CTIF: variants seen among roughly 807,000 people sequenced by gnomAD.
CTIF encodes CBP80/20-dependent translation initiation factor.
CTIF carries 21 observed loss-of-function variants against 66.0 expected under a neutral mutation model. The ratio of observed to expected loss-of-function variants is 0.32; its 90% CI spans 0.23 to 0.46. The LOEUF (loss-of-function observed/expected upper bound fraction) is 0.46. Ranked by LOEUF, CTIF falls within the 20% of genes least tolerant of loss-of-function variation. The pLI, the probability that CTIF is intolerant of heterozygous loss-of-function variation, is 1.00. For synonymous variants in CTIF, 345 were observed against 326.4 expected (o/e 1.06, Z -0.62); for missense variants, 739 against 812.7 (o/e 0.91, Z 1.10).
chr18:48,576,357 C>T (rs927604627), intron 1 of CTIF, among the ~76,000 whole-genome samples: 2 of 152,222 alleles, frequency 1.3e-5, no homozygotes, highest in Admixed American at 1.3e-4. Context: ...GAAGAATTTG[C>T]GGTAGCTGGG....
At chr18:48,831,602 G>A (rs1039198287) in intron 10 of CTIF, among the ~76,000 whole-genome samples, 7 of 152,178 alleles carry the variant, frequency 4.6e-5, no homozygotes, top group South Asian at 2.1e-4. Context: ...TGAAGATGAC[G>A]GAAACCTTGA....
chr18:48,584,195 A>G (rs1348204053), intron 1 of CTIF, among the ~76,000 whole-genome samples: 1 of 152,166 alleles, frequency 6.6e-6, no homozygotes, highest in Non-Finnish European at 1.5e-5. Flanking sequence ...TGAGCAGTAC[A>G]CAAGCTGCGC....
intron 7 of CTIF, among the ~76,000 whole-genome samples, chr18:48,722,969 A>T (rs1316066203): frequency 6.6e-6 from 1 of 152,226 alleles, no homozygotes; most frequent in African/African-American, 2.4e-5. Context: ...CTTCCAGAGC[A>T]CTCACTGTAT....
chr18:48,735,504 C>T (rs912441937), intron 7 of CTIF, among the ~76,000 whole-genome samples: 9 of 151,988 alleles, frequency 5.9e-5, no homozygotes, highest in Non-Finnish European at 1.3e-4. Flanking sequence ...GCAGGAAGCA[C>T]GTGGCAGGTG....
intron 5 of CTIF, 111 bp from the exon 6 acceptor site, chr18:48,670,558 G>C (rs1427213270): frequency 2.1e-6 from 2 of 936,412 alleles, no homozygotes; most frequent in African/African-American, 3.2e-5. Flanking sequence ...AGGGCTTGAG[G>C]GTGGGCAGCA....
At chr18:48,639,282 A>G (rs1197695134) in intron 3 of CTIF, among the ~76,000 whole-genome samples, 1 of 152,112 alleles carries the variant, frequency 6.6e-6, no homozygotes, top group Non-Finnish European at 1.5e-5. Flanking sequence ...GATTTCTTAG[A>G]GGTTTGTCAA....
chr18:48,752,267 A>C (rs1464672923), intron 7 of CTIF, among the ~76,000 whole-genome samples: 2 of 152,122 alleles, frequency 1.3e-5, no homozygotes, highest in Non-Finnish European at 2.9e-5. Context: ...AGTGTTTCTG[A>C]TGCATGCTGG....
At chr18:48,700,511 T>C (rs2092069283) in intron 6 of CTIF, among the ~76,000 whole-genome samples, 1 of 152,224 alleles carries the variant, frequency 6.6e-6, no homozygotes, top group African/African-American at 2.4e-5. Context: ...CCTCAGAATC[T>C]TAGCATGGCT....
At chr18:48,545,425 C>T (rs1568022660) in intron 1 of CTIF, among the ~76,000 whole-genome samples, 1 of 151,946 alleles carries the variant, frequency 6.6e-6, no homozygotes, top group African/African-American at 2.4e-5. Flanking sequence ...GGGGGTGAGA[C>T]CTGGAACAAG....
chr18:48,681,596 C>A (rs1410238180), intron 6 of CTIF, among the ~76,000 whole-genome samples: 1 of 152,146 alleles, frequency 6.6e-6, no homozygotes, highest in Non-Finnish European at 1.5e-5. Context: ...CTATGGAAAA[C>A]CCTGGACTTT....
At chr18:48,836,961 C>G (rs1451789467) in intron 10 of CTIF, among the ~76,000 whole-genome samples, 1 of 152,218 alleles carries the variant, frequency 6.6e-6, no homozygotes, top group African/African-American at 2.4e-5. Context: ...CACATTTGGG[C>G]TGTTTGTCCC....
chr18:48,760,583 G>T, intron 8 of CTIF: 1 of 152,234 alleles, frequency 6.6e-6, no homozygotes. Context: ...CCCTGACCCT[G>T]CCCTTCCAGC....
intron 9 of CTIF, among the ~76,000 whole-genome samples, chr18:48,812,997 GTTTTTC>G (rs1397655219): frequency 1.4e-5 from 2 of 143,776 alleles, no homozygotes; most frequent in Non-Finnish European, 3.0e-5. Context: ...CTTCTCTATC[GTTTTTC>G]TTTTTGTTTC....
intron 7 of CTIF, among the ~76,000 whole-genome samples, chr18:48,733,639 C>T (rs1164465365): frequency 1.3e-5 from 2 of 152,252 alleles, no homozygotes; most frequent in African/African-American, 2.4e-5. Context: ...CTGGCACATC[C>T]ACCACAGAGC....
intron 1 of CTIF, among the ~76,000 whole-genome samples, chr18:48,614,169 C>A (rs1034803269): frequency 6.6e-6 from 1 of 152,136 alleles, no homozygotes; most frequent in African/African-American, 2.4e-5. Context: ...TTGGGGACTT[C>A]CCATCAGGAT....
intron 6 of CTIF, among the ~76,000 whole-genome samples, chr18:48,710,098 C>T (rs2145473110): frequency 6.6e-6 from 1 of 152,368 alleles, no homozygotes; most frequent in Non-Finnish European, 1.5e-5. Flanking sequence ...CCCCCATGAG[C>T]TTGGGGGCTG....
intron 2 of CTIF, among the ~76,000 whole-genome samples, chr18:48,633,357 CATACGTATGTATATACAT>C (rs1245662446): frequency 2.0e-5 from 3 of 152,136 alleles, no homozygotes; most frequent in Admixed American, 6.5e-5. Flanking sequence ...AAACATTATA[CATACGTATGTATATACAT>C]ATACATATGT....
rs548362297 is a variant in CTIF, at chr18:48,681,298, C to T, written c.507+10554C>T. Among the ~76,000 whole-genome samples the T allele has an allele frequency of 1.5e-4, 23 of 152,330 alleles. No homozygotes were observed. In the East Asian group the frequency reaches 3.3e-3, roughly 22 times the overall value. On this transcript the variant is annotated intron_variant, in intron 6 of 11. Transcript: ENST00000256413. ...TGTGACACCGTCAGTTGCTTGCCTC[C>T]ACTTCCCAGGCTGGGCCAGGGATCT...
At chr18:48,629,514 A>T (rs1291191593) in intron 2 of CTIF, among the ~76,000 whole-genome samples, 1 of 152,046 alleles carries the variant, frequency 6.6e-6, no homozygotes, top group Non-Finnish European at 1.5e-5. Context: ...GTATCCCTTG[A>T]CACTCCAGTG....
Sources: allele counts gnomAD v4.1 joint callset (sites outside exome capture counted in the v4.1 genomes callset), GRCh38; gene constraint gnomAD v4.1.1; transcripts MANE v1.5; gene names NCBI Gene and HGNC (gene_info 2026-07-23, HGNC 2026-07-21).